The following CFAP73 variants were observed in gnomAD, a reference collection of about 807,000 sequenced individuals.
The protein encoded by CFAP73 is cilia- and flagella-associated protein 73.
In CFAP73, 33 loss-of-function variants were observed where a neutral mutation model predicts 42.9. The ratio of observed to expected loss-of-function variants is 0.77; its 90% confidence interval spans 0.58 to 1.03. CFAP73 has a LOEUF of 1.03. CFAP73 is among the 50% of genes least tolerant of loss of function. The pLI is 0.00. For missense variants in CFAP73, 392 were observed against 411.9 expected, an observed-to-expected ratio of 0.95 and a Z score of 0.42; for synonymous variants, 162 against 186.8, an observed-to-expected ratio of 0.87 and a Z score of 1.08.
chr12:113,157,566 G>A, intron 6 of CFAP73, 36 bp from the exon 7 acceptor site: 5 of 1,539,812 alleles, frequency 3.2e-6, no homozygotes, highest in Non-Finnish European at 3.5e-6. Context: ...CAGTGACTCT[G>A]GGGCTGGGAT....
chr12:113,154,940 G>A lies in CFAP73; in HGVS notation c.690+305G>A, dbSNP rs1952104504. On this transcript the variant is annotated intron_variant, in intron 5 of 7. Transcript: ENST00000335621. This position sits in a 1 kb window ranked among gnomAD's most constrained non-coding sequence, Gnocchi z 4.7. Reference sequence around the variant, plus strand: ...ATCCCAACACTTTGGGAGGCCGAAAGGGGCGGATCACCTCAGGTCATGAGT... The same window carrying A: ...ATCCCAACACTTTGGGAGGCCGAAAAGGGCGGATCACCTCAGGTCATGAGT... 1.3e-5 allele frequency among the ~76,000 whole-genome samples: 2 copies of A among 152,188 alleles called. No individual in the cohort carries two copies. The highest frequency in any genetic ancestry group is 2.4e-5 in the African/African-American group (1 of 41,448).
chr12:113,150,032 G>A, intron 1 of CFAP73, 119 bp downstream of exon 1: 11 of 914,238 alleles, frequency 1.2e-5, no homozygotes, highest in African/African-American at 1.6e-5. Flanking sequence ...GGGGGTTATT[G>A]TCCCCACTTC....
At chr12:113,153,580 G>T (rs1261444864) in intron 4 of CFAP73, among the ~76,000 whole-genome samples, 172 bp downstream of exon 4, 3 of 152,180 alleles carry the variant, frequency 2.0e-5, no homozygotes, top group African/African-American at 7.2e-5. Context: ...ATACGCTTTG[G>T]TTTTTGTGGT....
At chr12:113,152,094 C>A (rs932174702) in intron 2 of CFAP73, 71 bp downstream of exon 2, 33 of 1,125,728 alleles carry the variant, frequency 2.9e-5, no homozygotes, top group Middle Eastern at 3.9e-4. Context: ...TTATTAGTGA[C>A]AAGGTCTGAG....
intron 1 of CFAP73, among the ~76,000 whole-genome samples, chr12:113,151,355 A>G (rs61941407): frequency 0.053 from 8,064 of 152,206 alleles, 292 homozygotes; most frequent in Middle Eastern, 0.068. Context: ...GGTGGCGTGC[A>G]CCTGTAATCC....
rs1009566754 is a variant in CFAP73 at position 113,149,893 on chromosome 12, T to G, written c.36T>G (p.Ala12=). ...AVPWEEYFRL[A]LQEKLSTKLP... ...CCTGGGAGGAATATTTCCGACTGGC[T>G]TTGCAAGAGAAACTGTCTACGTGAG... Residue 12 remains alanine (A), a synonymous_variant, in exon 1 of 8, where the codon GCT becomes GCG. Transcript: ENST00000335621. 3.9e-6 allele frequency: 6 copies of G among 1,551,496 alleles called. No homozygotes were observed. The highest frequency in any genetic ancestry group is 5.2e-6 in the Non-Finnish European group (6 of 1,146,968).
At chr12:113,153,546 T>C (rs531496837) in intron 4 of CFAP73, 138 bp downstream of exon 4, 9 of 708,712 alleles carry the variant, frequency 1.3e-5, no homozygotes, top group South Asian at 7.5e-5. Context: ...CTATCACTTA[T>C]GGAGCGCTCA....
chr12:113,157,658 G>A lies in CFAP73; in HGVS notation c.906G>A (p.Glu302=), dbSNP rs573179592. 8.4e-6 allele frequency: 13 copies of A among 1,551,620 alleles called. No individual in the cohort carries two copies. The East Asian group carries it at 3.2e-4, about 38-fold the overall frequency. Reference sequence around the variant, plus strand: ...TGCTGGCCGGCCTGGGTCAGGCTGAGCCTGCAGCCCCTGCCTCCTAGCCCT... The same window carrying A: ...TGCTGGCCGGCCTGGGTCAGGCTGAACCTGCAGCCCCTGCCTCCTAGCCCT... ...SAMLAGLGQA[E]PAAPAS is the part of the protein sequence containing the mutation. The change falls in exon 7 of 8, where the codon GAG becomes GAA. Residue 302 remains glutamate (E), a synonymous_variant. Transcript: ENST00000335621.
At position 113,154,527 on chromosome 12, in the gene CFAP73, G is replaced by T; in HGVS notation, c.582G>T (p.Arg194=). 1 of 1,500,272 alleles carries T rather than the reference G, an allele frequency of 6.7e-7. No individual in the cohort carries two copies. 92.9% of individuals were successfully genotyped at this position (1,500,272 alleles called of 1,614,324 possible). The change falls in exon 5 of 8, where the codon CGG becomes CGT. Residue 194 remains arginine (R), a synonymous_variant. Transcript: ENST00000335621. The surrounding 1 kb of genome is among the most constrained non-coding windows in gnomAD (Gnocchi z 4.7). The part of the protein sequence containing the change: ...QLAELEAARA[R]LQQLRDAWPD... ...CGGAGCTGGAGGCGGCGCGAGCGCG[G>T]CTGCAGCAGCTGCGGGACGCCTGGC...
chr12:113,150,047 A>T (rs1297474960), intron 1 of CFAP73, 134 bp downstream of exon 1: 2 of 806,240 alleles, frequency 2.5e-6, no homozygotes, highest in Non-Finnish European at 4.0e-6. Flanking sequence ...CACTTCACAG[A>T]GGAGGAAACT....
chr12:113,150,049 G>C, intron 1 of CFAP73, 136 bp downstream of exon 1: 1 of 776,472 alleles, frequency 1.3e-6, no homozygotes, highest in East Asian at 2.8e-5. Flanking sequence ...CTTCACAGAG[G>C]AGGAAACTGA....
At chr12:113,153,765 T>A (rs1019666522) in intron 4 of CFAP73, among the ~76,000 whole-genome samples, 53 of 151,972 alleles carry the variant, frequency 3.5e-4, no homozygotes, top group African/African-American at 1.3e-3. Flanking sequence ...GCTATTTTTT[T>A]AAATTATTAT....
rs1952176303 is a variant in CFAP73, at chr12:113,159,227, G to C, written c.*538G>C. ...CTCCTGTTCTGTGCTTATTGCTGTGGCCCAGTGTCTGTACACAGTAGGTGG... is the reference window on the plus strand; with the variant it reads ...CTCCTGTTCTGTGCTTATTGCTGTGCCCCAGTGTCTGTACACAGTAGGTGG... On this transcript the variant is annotated 3_prime_UTR_variant, in exon 8 of 8. Coordinates refer to ENST00000335621, the MANE Select transcript of CFAP73 (RefSeq NM_001144872.3). 2.6e-6 allele frequency: 3 copies of C among 1,154,124 alleles called. No individual in the cohort carries two copies. The highest frequency in any genetic ancestry group is 1.2e-6 in the Non-Finnish European group (1 of 831,694). The allele number at this position is 1,154,124 out of a possible 1,614,324, so 71.5% of individuals were successfully genotyped here.
Position 113,154,660 on chromosome 12 carries a change from C to A in CFAP73, c.690+25C>A. The A allele has an allele frequency of 1.4e-6, 2 of 1,381,278 alleles. No homozygotes were observed. Among genetic ancestry groups the A allele is most frequent in the Non-Finnish European group, 1.9e-6 (2 of 1,076,726 alleles). 85.6% of individuals were successfully genotyped at this position (1,381,278 alleles called of 1,614,324 possible). A position where few individuals can be genotyped will look rare whatever the true frequency, so the allele number is the denominator to read the frequency against. On this transcript the variant is annotated intron_variant, in intron 5 of 7. Transcript: ENST00000335621. The surrounding 1 kb of genome is among the most constrained non-coding windows in gnomAD (Gnocchi z 4.7). ...GGTACGACCCGCCCTAGGTGGGGGGCGCTCCGGACCCCAGGCTTCCACAGC... is the reference window on the plus strand; with the variant it reads ...GGTACGACCCGCCCTAGGTGGGGGGAGCTCCGGACCCCAGGCTTCCACAGC...
intron 1 of CFAP73, among the ~76,000 whole-genome samples, chr12:113,150,302 G>A (rs1952050524): frequency 1.3e-5 from 2 of 152,124 alleles, no homozygotes; most frequent in Non-Finnish European, 2.9e-5. Flanking sequence ...ATCAGCATCT[G>A]TAAAATGGGG....
At chr12:113,151,569 G>A (rs1055756739) in intron 1 of CFAP73, among the ~76,000 whole-genome samples, 1 of 152,126 alleles carries the variant, frequency 6.6e-6, no homozygotes, top group Non-Finnish European at 1.5e-5. Context: ...GAGGCAGGAG[G>A]ATTGCTTGAG....
chr12:113,158,930 C>A lies in CFAP73; in HGVS notation c.*241C>A, dbSNP rs201483723. 59 of 1,609,722 alleles carry A rather than the reference C, an allele frequency of 3.7e-5. No homozygotes were observed. In the East Asian group the frequency reaches 1.2e-3, roughly 32 times the overall value. ...TTGGAGCGGGCACCCCGGCCGAAGGCGCCCTGCTGCAGCTCCTGGACGCGG... is the reference window on the plus strand; with the variant it reads ...TTGGAGCGGGCACCCCGGCCGAAGGAGCCCTGCTGCAGCTCCTGGACGCGG... On this transcript the variant is annotated 3_prime_UTR_variant, in exon 8 of 8. Coordinates refer to ENST00000335621, the MANE Select transcript of CFAP73 (RefSeq NM_001144872.3). This position sits in a 1 kb window ranked among gnomAD's most constrained non-coding sequence, Gnocchi z 4.9.
Position 113,155,327 on chromosome 12 carries a change from T to G in CFAP73, c.758T>G (p.Met253Arg). 6.4e-7 allele frequency: 1 copy of G among 1,551,400 alleles called. No individual in the cohort carries two copies. Among genetic ancestry groups the G allele is most frequent in the Non-Finnish European group, 8.7e-7 (1 of 1,146,736 alleles). The change falls in exon 6 of 8, where the codon ATG (methionine) becomes AGG (arginine). Residue 253 changes from methionine (M) to arginine (R), a missense_variant. Physicochemically the swap from Met to Arg is moderately conservative, Grantham distance 91. Transcript: ENST00000335621. ...ACTCTGCTCCTGGGACGCAGCAGGA[T>G]GGCTGTGCTCAACCTGTTCCAGCTA... ...EKTLLLGRSR[M>R]AVLNLFQLVC...
chr12:113,157,584 C>G lies in CFAP73; in HGVS notation c.850-18C>G. 6.4e-7 allele frequency: 1 copy of G among 1,550,842 alleles called. No homozygotes were observed. Among genetic ancestry groups the G allele is most frequent in the Non-Finnish European group, 8.7e-7 (1 of 1,146,312 alleles). ...TGACTCTGGGGCTGGGATGTGACTT[C>G]GTGCTGGGCCCCCCCAGGTGAAGCT... On this transcript the variant is annotated intron_variant, in intron 6 of 7. Coordinates refer to ENST00000335621, the MANE Select transcript of CFAP73 (RefSeq NM_001144872.3).
Sources: gnomAD v4.1 joint callset for allele counts (sites outside exome capture counted in the v4.1 genomes callset) on GRCh38, gnomAD v4.1.1 for gene constraint, Gnocchi (gnomAD v3.1) non-coding constraint, MANE v1.5 for transcripts, NCBI Gene and HGNC (gene_info 2026-07-23, HGNC 2026-07-21) for gene names.